Variants in CYLC2 observed in about 807,000 individuals in gnomAD.
CYLC2 encodes the protein cylicin-2.
In CYLC2, 30 loss-of-function variants were observed where a neutral mutation model predicts 26.1. The observed-to-expected ratio is 1.15, with a 90% CI of 0.86 to 1.56. The LOEUF is 1.56. CYLC2 is among the 40% of genes most tolerant of loss of function. The pLI is 0.00. For missense variants in CYLC2, 498 were observed against 394.4 expected (o/e 1.26, Z -2.23); for synonymous variants, 158 against 132.8 (o/e 1.19, Z -1.31).
Position 103,005,863 on chromosome 9 carries a change from ATGT to A in CYLC2, c.*187_*189del. ...AGATTTATAAAAATATATAAGAAAG[ATGT>A]TAAGAAAAATTAAGGGGGGATCCAT... On this transcript the variant is annotated 3_prime_UTR_variant, in exon 5 of 8. Transcript: ENST00000374798. The A allele has an allele frequency of 1.6e-6, 1 of 631,752 alleles. No individual in the cohort carries two copies. 39.1% of individuals were successfully genotyped at this position (631,752 alleles called of 1,614,324 possible). A position where few individuals can be genotyped will look rare whatever the true frequency, so the allele number is the denominator to read the frequency against.
intron 1 of CYLC2, among the ~76,000 whole-genome samples, chr9:102,997,997 C>T (rs1829253988): frequency 3.3e-5 from 5 of 151,886 alleles, no homozygotes; most frequent in Admixed American, 1.3e-4. Flanking sequence ...GTTTTCTTTT[C>T]AAAGTTTCAA....
chr9:103,008,069 T>C (rs544306633), intron 5 of CYLC2, among the ~76,000 whole-genome samples: 1 of 151,498 alleles, frequency 6.6e-6, no homozygotes, highest in African/African-American at 2.4e-5. Flanking sequence ...ATAGTAAAAT[T>C]ATGTGTTGAG....
Position 103,005,382 on chromosome 9 carries a change from G to A in CYLC2, c.751G>A (p.Ala251Thr). 8.1e-6 allele frequency: 13 copies of A among 1,613,884 alleles called. No homozygotes were observed. The highest frequency in any genetic ancestry group is 1.1e-5 in the Non-Finnish European group (13 of 1,179,950). The change falls in exon 5 of 8, where the codon GCA (alanine) becomes ACA (threonine). Residue 251 changes from alanine to threonine, a missense_variant. Ala to Thr is a moderately conservative substitution (Grantham distance 58, BLOSUM62 0). Coordinates refer to ENST00000374798, the MANE Select transcript of CYLC2 (RefSeq NM_001340.5). ...GAAGGATGAGGATGGAAAAAAAGAT[G>A]CAAACAAAGGTGATGAATCGAAGGA... Reference protein sequence around the residue: ...EKKDEDGKKDANKGDESKDAK... With the variant: ...EKKDEDGKKDTNKGDESKDAK...
chr9:103,007,020 C>T (rs1587853002), intron 5 of CYLC2, among the ~76,000 whole-genome samples: 1 of 152,020 alleles, frequency 6.6e-6, no homozygotes, highest in South Asian at 2.1e-4. Flanking sequence ...TCATATTGTA[C>T]ACGATAAATA....
chr9:103,017,811 C>T (rs987055732), intron 7 of CYLC2, among the ~76,000 whole-genome samples: 3 of 151,914 alleles, frequency 2.0e-5, no homozygotes, highest in South Asian at 2.1e-4. Context: ...ATATTGGCAG[C>T]GTTGATTTCT....
At chr9:102,997,836 GA>G (rs1288365571) in intron 1 of CYLC2, among the ~76,000 whole-genome samples, 1 of 151,710 alleles carries the variant, frequency 6.6e-6, no homozygotes, top group East Asian at 1.9e-4. Context: ...AGACTAAAAG[GA>G]AAAATAATCA....
intron 5 of CYLC2, among the ~76,000 whole-genome samples, 151 bp from the exon 6 acceptor site, chr9:103,011,831 G>T (rs1829409701): frequency 1.3e-5 from 2 of 151,668 alleles, no homozygotes; most frequent in African/African-American, 4.8e-5. Context: ...TTTAGAAAGT[G>T]AGAGTCCAGG....
At chr9:103,011,703 G>A (rs1309687565) in intron 5 of CYLC2, among the ~76,000 whole-genome samples, 1 of 151,922 alleles carries the variant, frequency 6.6e-6, no homozygotes, top group African/African-American at 2.4e-5. Context: ...GTTTATTTAT[G>A]AAATAAACAG....
intron 6 of CYLC2, among the ~76,000 whole-genome samples, chr9:103,012,892 A>G (rs7028935): frequency 0.75 from 112,335 of 150,614 alleles, 42,422 homozygotes; most frequent in East Asian, 1. Context: ...TATACAGAGA[A>G]GATAGTGAGT....
chr9:103,009,230 T>A (rs547137245), intron 5 of CYLC2, among the ~76,000 whole-genome samples: 1 of 152,254 alleles, frequency 6.6e-6, no homozygotes, highest in East Asian at 1.9e-4. Flanking sequence ...TTTGACACAG[T>A]GTCTCTCTCT....
At position 103,005,006 on chromosome 9, in the gene CYLC2, G is replaced by A; in HGVS notation, c.375G>A (p.Lys125=). ...GKKGEDKTTQ[K]DTTDSESELK... ...AAGGTGAAGACAAGACAACACAGAA[G>A]GACACAACAGATTCGGAATCAGAAT... The change falls in exon 5 of 8, where the codon AAG becomes AAA. Residue 125 remains lysine, a synonymous_variant. Transcript: ENST00000374798. 1.3e-6 allele frequency: 2 copies of A among 1,590,872 alleles called. No individual in the cohort carries two copies. Among genetic ancestry groups the A allele is most frequent in the South Asian group, 1.1e-5 (1 of 86,972 alleles).
chr9:103,001,734 C>G (rs1037952454), intron 2 of CYLC2, 116 bp downstream of exon 2: 6 of 658,830 alleles, frequency 9.1e-6, no homozygotes, highest in Non-Finnish European at 1.5e-5. Context: ...TGATAATTAA[C>G]TATTTCCCAA....
At position 102,998,489 on chromosome 9, in the gene CYLC2, A is replaced by T. The variant is rs143840845; in HGVS notation, c.18-3089A>T. On this transcript the variant is annotated intron_variant, in intron 1 of 7. Transcript: ENST00000374798. ...ACTTGACTGTACCAGAGAGGAAAGG[A>T]AAGAGATGCTCTCACCAGCAAAGCC... Among the ~76,000 whole-genome samples, 348 of 152,092 alleles carry T rather than the reference A, an allele frequency of 2.3e-3. 2 individuals are homozygous for T. Among genetic ancestry groups the T allele is most frequent in the Middle Eastern group, 6.8e-3 (2 of 294 alleles).
At chr9:102,995,495 C>T (rs918923230) in intron 1 of CYLC2, 98 bp downstream of exon 1, 18 of 879,068 alleles carry the variant, frequency 2.0e-5, no homozygotes, top group South Asian at 1.4e-4. Flanking sequence ...TATTATGATG[C>T]CATTCATAAG....
chr9:102,995,365 G>C lies in CYLC2; in HGVS notation c.-16G>C. Reference sequence around the variant, plus strand: ...ACTTACAATACTTAAGTCCTGGCAAGTCATAAGTGGGGAAAATGTCTCTCC... The same window carrying C: ...ACTTACAATACTTAAGTCCTGGCAACTCATAAGTGGGGAAAATGTCTCTCC... On this transcript the variant is annotated 5_prime_UTR_variant, in exon 1 of 8. Transcript: ENST00000374798. The C allele has an allele frequency of 6.2e-7, 1 of 1,602,564 alleles. No homozygotes were observed.
At chr9:103,009,633 C>A (rs761292596) in intron 5 of CYLC2, among the ~76,000 whole-genome samples, 8 of 152,020 alleles carry the variant, frequency 5.3e-5, no homozygotes, top group Non-Finnish European at 5.9e-5. Flanking sequence ...TATAGTCATT[C>A]CAATGTGCTA....
Position 103,005,173 on chromosome 9 carries a change from A to G in CYLC2, c.542A>G (p.Glu181Gly), listed in dbSNP as rs149312314. Residue 181 changes from glutamate to glycine, a missense_variant, in exon 5 of 8, where the codon GAA becomes GGA. Glu to Gly is a moderately conservative substitution (Grantham distance 98). Coordinates refer to ENST00000374798, the MANE Select transcript of CYLC2 (RefSeq NM_001340.5). ...GKDSATESED[E>G]KGGAKKDNKK... The stretch of plus-strand genomic sequence containing the variant: ...GACTCAGCAACAGAATCTGAAGATG[A>G]AAAAGGAGGTGCAAAGAAAGATAAC... 6.9e-6 allele frequency: 11 copies of G among 1,605,564 alleles called. No individual in the cohort carries two copies. The highest frequency in any genetic ancestry group is 9.3e-6 in the Non-Finnish European group (11 of 1,177,728).
intron 3 of CYLC2, 113 bp from the exon 4 acceptor site, chr9:103,004,582 T>C (rs1829319649): frequency 2.6e-6 from 2 of 778,800 alleles, no homozygotes; most frequent in Non-Finnish European, 3.8e-6. Flanking sequence ...CCCCATTTTT[T>C]AACAAAAGCT....
At position 103,010,186 on chromosome 9, in the gene CYLC2, T is replaced by C. The variant is rs12237588; in HGVS notation, c.*701-1796T>C. Among the ~76,000 whole-genome samples, 1,648 of 152,162 alleles carry C rather than the reference T, an allele frequency of 0.011. 99 individuals carry two copies. In the East Asian group the frequency reaches 0.2, roughly 18 times the overall value. Reference sequence around the variant, plus strand: ...CTGAAAAAGTGCATAGAAGTTGTCATATACCAAGTTAATTATGTACCAAGT... The same window carrying C: ...CTGAAAAAGTGCATAGAAGTTGTCACATACCAAGTTAATTATGTACCAAGT... On this transcript the variant is annotated intron_variant, in intron 5 of 7. Transcript: ENST00000374798.
Sources: allele counts gnomAD v4.1 joint callset (sites outside exome capture counted in the v4.1 genomes callset), GRCh38; gene constraint gnomAD v4.1.1; transcripts MANE v1.5; gene names NCBI Gene and HGNC (gene_info 2026-07-23, HGNC 2026-07-21).